MYOF: variants seen among roughly 807,000 people sequenced by gnomAD.
MYOF encodes the protein fer-1-like 3, myoferlin.
A neutral mutation model predicts 284.2 loss-of-function variants in MYOF; 244 were observed. That is an observed-to-expected ratio of 0.86 (90% CI 0.77 to 0.95). The LOEUF (loss-of-function observed/expected upper bound fraction) is 0.95. MYOF is among the 40% of genes least tolerant of loss of function. MYOF has a pLI of 0.00. For missense variants in MYOF, 2,496 were observed against 2,560.6 expected (o/e 0.97, Z 0.54); for synonymous variants, 904 against 919.7 (o/e 0.98, Z 0.31).
chr10:93,323,476 A>T (rs1842922530), intron 46 of MYOF, 118 bp from the exon 47 acceptor site: 2 of 922,796 alleles, frequency 2.2e-6, no homozygotes, highest in African/African-American at 1.7e-5. Context: ...CTAATTTATT[A>T]GTCCACATGG....
chr10:93,412,548 C>T (rs868176368), intron 5 of MYOF, among the ~76,000 whole-genome samples: 1 of 152,132 alleles, frequency 6.6e-6, no homozygotes, highest in African/African-American at 2.4e-5. Flanking sequence ...GAGTTAGTCC[C>T]GCTCTCTCCT....
chr10:93,457,701 G>A (rs570590261), intron 1 of MYOF, among the ~76,000 whole-genome samples: 28 of 151,070 alleles, frequency 1.9e-4, no homozygotes, highest in African/African-American at 6.3e-4. Context: ...GCTAATCTTC[G>A]AGTACAAAAT....
At chr10:93,361,371 C>T (rs1050335990) in intron 28 of MYOF, 81 bp downstream of exon 28, 16 of 1,369,738 alleles carry the variant, frequency 1.2e-5, no homozygotes, top group Middle Eastern at 4.0e-4. Context: ...AGTGAGGCCC[C>T]TCCCTCCCAA....
At chr10:93,321,899 T>C (rs1422002236) in intron 48 of MYOF, among the ~76,000 whole-genome samples, 2 of 152,164 alleles carry the variant, frequency 1.3e-5, no homozygotes, top group East Asian at 1.9e-4. Context: ...CGTATTTAGA[T>C]TTTTATTCCA....
intron 7 of MYOF, 142 bp from the exon 8 acceptor site, chr10:93,404,361 G>A: frequency 3.8e-6 from 3 of 788,218 alleles, no homozygotes; most frequent in South Asian, 3.4e-5. Flanking sequence ...CACATGGCAA[G>A]GCCTGGAGTT....
intron 7 of MYOF, among the ~76,000 whole-genome samples, chr10:93,404,987 CAACT>C (rs1339541329): frequency 6.6e-6 from 1 of 152,124 alleles, no homozygotes; most frequent in Non-Finnish European, 1.5e-5. Context: ...ACACTTACTC[CAACT>C]GAGACTTTTT....
intron 8 of MYOF, 35 bp from the exon 9 acceptor site, chr10:93,404,108 C>A: frequency 2.5e-6 from 4 of 1,613,962 alleles, no homozygotes; most frequent in Non-Finnish European, 3.4e-6. Context: ...AAATGATTGG[C>A]TTTGCCTGGC....
At chr10:93,399,341 A>T in intron 13 of MYOF, 51 bp downstream of exon 13, 3 of 1,359,856 alleles carry the variant, frequency 2.2e-6, no homozygotes, top group Non-Finnish European at 3.1e-6. Flanking sequence ...AAAGCACAGT[A>T]GTTTTAGATA....
chr10:93,473,933 G>A (rs764295705), intron 1 of MYOF, among the ~76,000 whole-genome samples: 2 of 152,090 alleles, frequency 1.3e-5, no homozygotes, highest in Non-Finnish European at 2.9e-5. Flanking sequence ...CCTCCCTGCC[G>A]CCTCAGGTGG....
In MYOF at chr10:93,340,988, G is replaced by A. The variant is rs376977222; in HGVS notation, c.4327-824C>T. Among the ~76,000 whole-genome samples, 26 of 152,278 alleles carry A rather than the reference G, an allele frequency of 1.7e-4. No individual in the cohort carries two copies. In the East Asian group the frequency reaches 1.9e-3, roughly 11 times the overall value. ...TCCGGTTGCCATGTGAGAGGCCATG[G>A]AGCTGCTTCCGTAGGTGCCCCTTGG... is the stretch of plus-strand genomic sequence containing the variant. On this transcript the variant is annotated intron_variant, in intron 38 of 53. Transcript: ENST00000359263.
intron 21 of MYOF, among the ~76,000 whole-genome samples, chr10:93,378,805 C>T (rs113530449): frequency 2.7e-4 from 40 of 150,840 alleles, no homozygotes; most frequent in African/African-American, 8.8e-4. Flanking sequence ...CTCCGTCTCC[C>T]GGGTTCAAGT....
chr10:93,335,233 G>A (rs994432537), intron 41 of MYOF, among the ~76,000 whole-genome samples: 2 of 152,140 alleles, frequency 1.3e-5, no homozygotes, highest in Non-Finnish European at 2.9e-5. Flanking sequence ...CCAAGCCTCC[G>A]ACTTATTGAG....
At chr10:93,308,254 A>T (rs1423886619) in intron 53 of MYOF, among the ~76,000 whole-genome samples, 1 of 150,940 alleles carries the variant, frequency 6.6e-6, no homozygotes, top group African/African-American at 2.4e-5. Flanking sequence ...AAAAAAATAA[A>T]AAATAAAAAA....
intron 43 of MYOF, 27 bp from the exon 44 acceptor site, chr10:93,329,861 T>C (rs1173639257): frequency 6.2e-7 from 1 of 1,612,224 alleles, no homozygotes; most frequent in East Asian, 2.2e-5. Flanking sequence ...AAGGTCAGAA[T>C]CTTCATGATC....
rs562122366 is a variant in MYOF at position 93,401,791 on chromosome 10, G to A, written c.991-247C>T. On this transcript the variant is annotated intron_variant, in intron 11 of 53. Coordinates refer to ENST00000359263, the MANE Select transcript of MYOF (RefSeq NM_013451.4). ...TGAGCACCAAATAGTAAGAGCCTGT[G>A]CGTGTGTGTGTGTGTGTGTGTGTGT... Among the ~76,000 whole-genome samples, 217 of 54,436 alleles carry A rather than the reference G, an allele frequency of 4.0e-3. 6 individuals are homozygous for A. The East Asian group carries it at 0.11, about 27-fold the overall frequency. The allele number at this position is 54,436 out of a possible 152,430, so 35.7% of individuals were successfully genotyped here. A position where few individuals can be genotyped will look rare whatever the true frequency, so the allele number is the denominator to read the frequency against.
rs182753839 is a variant in MYOF at position 93,420,684 on chromosome 10, C to A, written c.433+5387G>T. 2.2e-3 allele frequency among the ~76,000 whole-genome samples: 342 copies of A among 152,262 alleles called. 1 individual carries two copies. Among genetic ancestry groups the A allele is most frequent in the Non-Finnish European group, 4.3e-3 (295 of 68,018 alleles). ...GCAGGAGCCACTATGTGGAGAAGAA[C>A]CTTTAAAATCAATAGCAGAAGTTGC... On this transcript the variant is annotated intron_variant, in intron 5 of 53. Coordinates refer to ENST00000359263, the MANE Select transcript of MYOF (RefSeq NM_013451.4).
intron 45 of MYOF, 115 bp from the exon 46 acceptor site, chr10:93,326,080 G>A: frequency 7.6e-7 from 1 of 1,312,628 alleles, no homozygotes; most frequent in Non-Finnish European, 1.1e-6. Context: ...GACAGGCAGT[G>A]CCAACATGCA....
At chr10:93,410,303 T>C (rs1847849275) in intron 5 of MYOF, among the ~76,000 whole-genome samples, 1 of 152,158 alleles carries the variant, frequency 6.6e-6, no homozygotes, top group South Asian at 2.1e-4. Context: ...CTCCTCCTGG[T>C]TTGTCACTTT....
rs192883905 is a variant in MYOF at position 93,472,885 on chromosome 10, G to T, written c.88+9222C>A. 2.8e-3 allele frequency among the ~76,000 whole-genome samples: 433 copies of T among 152,228 alleles called. 2 individuals are homozygous for T. The highest frequency in any genetic ancestry group is 1.0e-2 in the African/African-American group (415 of 41,534). On this transcript the variant is annotated intron_variant, in intron 1 of 53. Coordinates refer to ENST00000359263, the MANE Select transcript of MYOF (RefSeq NM_013451.4). ...CCCTGCAGCAATGGGGGAAGAAGTG[G>T]GGCATAAAAGCCAGAAGACATGAGC... is the stretch of plus-strand genomic sequence containing the variant.
Sources: allele counts gnomAD v4.1 joint callset (sites outside exome capture counted in the v4.1 genomes callset), GRCh38; gene constraint gnomAD v4.1.1; transcripts MANE v1.5; gene names NCBI Gene and HGNC (gene_info 2026-07-23, HGNC 2026-07-21).